The following UBE3D variants were observed in gnomAD, a reference collection of about 807,000 sequenced individuals.
The protein encoded by UBE3D is ubiquitin protein ligase E3D, also known as E3 ubiquitin-protein ligase E3D.
Under a neutral mutation model 49.6 loss-of-function variants are expected in UBE3D, and 48 were observed. The ratio of observed to expected loss-of-function variants is 0.97; its 90% confidence interval spans 0.77 to 1.23. The LOEUF is 1.23. UBE3D is among the 50% of genes most tolerant of loss of function. The pLI is 0.00. For missense variants in UBE3D, 452 were observed against 468.4 expected, an observed-to-expected ratio of 0.96 and a Z score of 0.32; for synonymous variants, 189 against 174.2, an observed-to-expected ratio of 1.08 and a Z score of -0.67.
chr6:82,986,945 C>T (rs963087850), intron 8 of UBE3D, among the ~76,000 whole-genome samples: 4 of 151,606 alleles, frequency 2.6e-5, no homozygotes, highest in Non-Finnish European at 4.4e-5. Context: ...TCCTCCCTTC[C>T]TCTCTTCCTT....
At position 83,059,587 on chromosome 6, in the gene UBE3D, G is replaced by A. The variant is rs74876460; in HGVS notation, c.78-1565C>T. Among the ~76,000 whole-genome samples the A allele has an allele frequency of 1.8e-3, 277 of 152,294 alleles. 2 individuals are homozygous for A. The highest frequency in any genetic ancestry group is 6.3e-3 in the African/African-American group (262 of 41,550). On this transcript the variant is annotated intron_variant, in intron 1 of 9. Transcript: ENST00000369747. ...CAAGTGCCGCAAGAGATACCACTGGGTTCCTAAGTCCCCATTGCCACCCCA... is the reference window on the plus strand; with the variant it reads ...CAAGTGCCGCAAGAGATACCACTGGATTCCTAAGTCCCCATTGCCACCCCA...
chr6:82,958,508 T>C (rs903833089), intron 8 of UBE3D, among the ~76,000 whole-genome samples: 1 of 152,208 alleles, frequency 6.6e-6, no homozygotes, highest in Non-Finnish European at 1.5e-5. Flanking sequence ...GTTTGGGACA[T>C]AATGGATTTT....
chr6:83,039,416 A>G (rs2127807067), intron 4 of UBE3D, among the ~76,000 whole-genome samples: 1 of 152,332 alleles, frequency 6.6e-6, no homozygotes, highest in Middle Eastern at 3.4e-3. Flanking sequence ...TTTCTTTGGC[A>G]TAAATAATTT....
At chr6:82,888,610 C>A (rs1012047085), downstream of UBE3D, among the ~76,000 whole-genome samples, 3 of 152,070 alleles carry the variant, frequency 2.0e-5, no homozygotes, top group Non-Finnish European at 4.4e-5. Flanking sequence ...CTAAAAGACA[C>A]GACTAGGACA....
intron 8 of UBE3D, among the ~76,000 whole-genome samples, chr6:82,987,985 C>T (rs533517958): frequency 1.4e-3 from 209 of 152,140 alleles, no homozygotes; most frequent in Non-Finnish European, 2.5e-3. Context: ...CAATGTGATA[C>T]CATTTATATG....
intron 3 of UBE3D, among the ~76,000 whole-genome samples, chr6:83,045,034 T>C (rs923449954): frequency 1.3e-5 from 2 of 152,186 alleles, no homozygotes; most frequent in Non-Finnish European, 2.9e-5. Context: ...AATATTCTAT[T>C]CCATAAGTAC....
intron 8 of UBE3D, among the ~76,000 whole-genome samples, chr6:82,977,378 A>G (rs183251427): frequency 6.6e-6 from 1 of 152,188 alleles, no homozygotes; most frequent in Admixed American, 6.5e-5. Context: ...CCATCTCTCT[A>G]CCCAACCTTT....
At chr6:83,005,298 T>C (rs73481036) in intron 8 of UBE3D, among the ~76,000 whole-genome samples, 19,902 of 151,922 alleles carry the variant, frequency 0.13, 2,584 homozygotes, top group African/African-American at 0.33. Context: ...ACATCCATTA[T>C]GACGGCTATT....
chr6:82,933,244 T>G (rs907403230), intron 9 of UBE3D, among the ~76,000 whole-genome samples: 5 of 152,202 alleles, frequency 3.3e-5, no homozygotes. Flanking sequence ...GCATCTTTAG[T>G]TTAGACAGAT....
intron 8 of UBE3D, among the ~76,000 whole-genome samples, chr6:83,011,335 T>A (rs1174946756): frequency 6.6e-6 from 1 of 152,234 alleles, no homozygotes; most frequent in Non-Finnish European, 1.5e-5. Flanking sequence ...TATTGATGAC[T>A]ACCTTCTTCT....
intron 5 of UBE3D, 108 bp from the exon 6 acceptor site, chr6:83,024,146 G>A: frequency 1.9e-6 from 1 of 535,642 alleles, no homozygotes. Context: ...AAATATACTG[G>A]TAAAATTAAT....
intron 9 of UBE3D, among the ~76,000 whole-genome samples, chr6:82,926,813 T>G (rs781739185): frequency 1.3e-5 from 2 of 152,124 alleles, no homozygotes; most frequent in African/African-American, 2.4e-5. Context: ...GCTTTTCTTT[T>G]TATTCTCTAT....
chr6:82,984,372 G>A (rs1052727823), intron 8 of UBE3D, among the ~76,000 whole-genome samples: 8 of 152,060 alleles, frequency 5.3e-5, no homozygotes, highest in African/African-American at 9.7e-5. Context: ...ATTAATAGTC[G>A]TATGCATGTG....
chr6:83,010,312 C>T (rs1780250991), intron 8 of UBE3D, among the ~76,000 whole-genome samples: 1 of 151,952 alleles, frequency 6.6e-6, no homozygotes, highest in South Asian at 2.1e-4. Flanking sequence ...AAACTATGTC[C>T]AAATTCATCA....
chr6:82,952,177 A>G (rs1562115580), intron 9 of UBE3D, among the ~76,000 whole-genome samples: 1 of 152,132 alleles, frequency 6.6e-6, no homozygotes, highest in African/African-American at 2.4e-5. Flanking sequence ...GTGGTTAAGA[A>G]TAGGGGTTCT....
At chr6:82,970,543 A>G (rs931685104) in intron 8 of UBE3D, among the ~76,000 whole-genome samples, 2 of 152,182 alleles carry the variant, frequency 1.3e-5, no homozygotes, top group Non-Finnish European at 2.9e-5. Flanking sequence ...AATATAGTTA[A>G]AACTAGGGAC....
chr6:82,905,818 TG>T (rs1772059846), intron 9 of UBE3D, among the ~76,000 whole-genome samples: 1 of 152,182 alleles, frequency 6.6e-6, no homozygotes, highest in East Asian at 1.9e-4. Context: ...TGTACTTAAC[TG>T]GTTTTTTTTA....
chr6:82,960,805 G>T (rs1298432577), intron 8 of UBE3D, among the ~76,000 whole-genome samples: 1 of 151,898 alleles, frequency 6.6e-6, no homozygotes, highest in Non-Finnish European at 1.5e-5. Flanking sequence ...CCTCTTACTG[G>T]CTAAAATAAA....
chr6:83,024,211 A>G (rs1322073113), intron 5 of UBE3D, among the ~76,000 whole-genome samples, 173 bp from the exon 6 acceptor site: 4 of 152,242 alleles, frequency 2.6e-5, no homozygotes, highest in Admixed American at 1.3e-4. Context: ...AGCATTGGTC[A>G]CTACAAGGAG....
Sources: gnomAD v4.1 joint callset for allele counts (sites outside exome capture counted in the v4.1 genomes callset) on GRCh38, gnomAD v4.1.1 for gene constraint, MANE v1.5 for transcripts, NCBI Gene and HGNC (gene_info 2026-07-23, HGNC 2026-07-21) for gene names.